KLK10: variants seen among roughly 807,000 people sequenced by gnomAD.
KLK10 encodes the protein kallikrein-10.
In KLK10, 27 loss-of-function variants were observed where a neutral mutation model predicts 25.7. That is an observed-to-expected ratio of 1.05 (90% CI 0.77 to 1.45). KLK10 has a LOEUF of 1.45. Among genes scored for constraint, KLK10 ranks in the 40% most tolerant of loss-of-function variants. The pLI is 0.00. For missense variants in KLK10, 386 were observed against 370.0 expected (o/e 1.04, Z -0.35); for synonymous variants, 173 against 160.1 (o/e 1.08, Z -0.61).
Position 51,015,920 on chromosome 19 carries a change from C to A in KLK10, c.506G>T (p.Cys169Phe). The A allele has an allele frequency of 6.3e-7, 1 of 1,581,830 alleles. No individual in the cohort carries two copies. The highest frequency in any genetic ancestry group is 8.6e-7 in the Non-Finnish European group (1 of 1,166,354). ...CGTGGTGCCCCAGCCAGCAACCTGGCACTGGTCTCCGGGCTGAGCACAGCG... is the reference window on the plus strand; with the variant it reads ...CGTGGTGCCCCAGCCAGCAACCTGGAACTGGTCTCCGGGCTGAGCACAGCG... ...PYRCAQPGDQ[C>F]QVAGWGTTAA... Residue 169 changes from cysteine (C) to phenylalanine (F), a missense_variant, in exon 4 of 6, where the codon TGC (cysteine) becomes TTC (phenylalanine). Coordinates refer to ENST00000358789, the MANE Select transcript of KLK10 (RefSeq NM_145888.3).
At chr19:51,015,008 T>G in intron 5 of KLK10, 56 bp from the exon 6 acceptor site, 2 of 1,536,426 alleles carry the variant, frequency 1.3e-6, no homozygotes, top group African/African-American at 1.4e-5. Flanking sequence ...GAGCTGTCAC[T>G]TTGGGATCTG....
At position 51,014,801 on chromosome 19, in the gene KLK10, C is replaced by G. The variant is rs777408324; in HGVS notation, c.830G>C (p.Ter277SerextTer50). 5 of 1,575,996 alleles carry G rather than the reference C, an allele frequency of 3.2e-6. No individual in the cohort carries two copies. In the South Asian group the frequency reaches 5.7e-5, roughly 18 times the overall value. ...SWINKVIRSN[*>S] is the part of the protein sequence containing the mutation. ...ATCAGCTGGAGCGTAGCATCTGGATCAGTTGGAGCGTATGACTTTATTGAT... is the reference window on the plus strand; with the variant it reads ...ATCAGCTGGAGCGTAGCATCTGGATGAGTTGGAGCGTATGACTTTATTGAT... Residue 277 changes from the stop codon to serine, a stop_lost, in exon 6 of 6, where the codon TGA (stop) becomes TCA (serine). Coordinates refer to ENST00000358789, the MANE Select transcript of KLK10 (RefSeq NM_145888.3).
Position 51,015,411 on chromosome 19 carries a change from C to A in KLK10, c.678+6G>T. The A allele has an allele frequency of 1.2e-6, 2 of 1,613,322 alleles. No individual in the cohort carries two copies. Among genetic ancestry groups the A allele is most frequent in the African/African-American group, 1.3e-5 (1 of 74,954 alleles). ...GAGTCAGAGACTCTCCCTGTTCAGACCCTACCTGGCAAGGGTCCTGGCCCC... is the reference window on the plus strand; with the variant it reads ...GAGTCAGAGACTCTCCCTGTTCAGAACCTACCTGGCAAGGGTCCTGGCCCC... On this transcript the variant is annotated splice_donor_region_variant and intron_variant, in intron 5 of 5. Transcript: ENST00000358789.
At chr19:51,014,989 C>T in intron 5 of KLK10, 37 bp from the exon 6 acceptor site, 3 of 1,594,048 alleles carry the variant, frequency 1.9e-6, no homozygotes, top group Non-Finnish European at 2.6e-6. Context: ...AATAAATGTG[C>T]CAACGTGAGA....
chr19:51,018,922 C>T, intron 2 of KLK10, 121 bp downstream of exon 2: 1 of 757,750 alleles, frequency 1.3e-6, no homozygotes, highest in South Asian at 1.7e-5. Flanking sequence ...CTCCGGAGCG[C>T]TGGGTGGGTG....
chr19:51,014,644 A>T lies in KLK10; in HGVS notation c.*156T>A. On this transcript the variant is annotated 3_prime_UTR_variant, in exon 6 of 6. Transcript: ENST00000358789. ...AGGTGGGGGAATGAGGTGAGAGGGG[A>T]GATGTTTAGAGGTGTGGAGGGCGGC... 1 of 621,858 alleles carries T rather than the reference A, an allele frequency of 1.6e-6. No individual in the cohort carries two copies. The highest frequency in any genetic ancestry group is 2.8e-6 in the Non-Finnish European group (1 of 356,330). The allele number at this position is 621,858 out of a possible 1,614,324, so 38.5% of individuals were successfully genotyped here. A position where few individuals can be genotyped will look rare whatever the true frequency, so the allele number is the denominator to read the frequency against.
intron 5 of KLK10, among the ~76,000 whole-genome samples, chr19:51,015,181 T>C (rs947922686): frequency 6.6e-6 from 1 of 151,398 alleles, no homozygotes; most frequent in Non-Finnish European, 1.5e-5. Flanking sequence ...GGGGTTGGGA[T>C]TGTAGTTCAT....
At chr19:51,019,798 C>T (rs1366386812), upstream of KLK10, 1 of 152,272 alleles carries the variant, frequency 6.6e-6, no homozygotes, top group Admixed American at 6.6e-5. This position sits in a 1 kb window ranked among gnomAD's most constrained non-coding sequence, Gnocchi z 4.2. Context: ...GGCTCCCTCC[C>T]TTTCCCTCTG....
rs759893312 is a variant in KLK10, at chr19:51,014,768, ACATCTGGATCAGCTGGAGCGTAG to A, written c.*9_*31del. ...GGGCATCTGGATCAGCAGGAGCATA[ACATCTGGATCAGCTGGAGCGTAG>A]CATCTGGATCAGTTGGAGCGTATGA... On this transcript the variant is annotated 3_prime_UTR_variant, in exon 6 of 6. Coordinates refer to ENST00000358789, the MANE Select transcript of KLK10 (RefSeq NM_145888.3). 41 of 1,604,230 alleles carry A rather than the reference ACATCTGGATCAGCTGGAGCGTAG, an allele frequency of 2.6e-5. No homozygotes were observed. Among genetic ancestry groups the A allele is most frequent in the Non-Finnish European group, 3.1e-5 (36 of 1,173,426 alleles).
chr19:51,015,672 C>T (rs2091316690), intron 4 of KLK10, 122 bp from the exon 5 acceptor site: 1 of 1,260,480 alleles, frequency 7.9e-7, no homozygotes, highest in South Asian at 1.4e-5. Context: ...ACTCAAGAAT[C>T]CTGGCCCCAG....
Position 51,015,571 on chromosome 19 carries a change from T to C in KLK10, c.545-21A>G, listed in dbSNP as rs752268152. The C allele has an allele frequency of 1.9e-6, 3 of 1,611,314 alleles. No individual in the cohort carries two copies. In the East Asian group the frequency reaches 6.7e-5, roughly 36 times the overall value. On this transcript the variant is annotated intron_variant, in intron 4 of 5. Transcript: ENST00000358789. The stretch of plus-strand genomic sequence containing the variant: ...CTTCACTGAAGGGAGAATATGCCAG[T>C]AATCCCTGGGTCCAGCCCCCAATCC...
In KLK10 at chr19:51,015,892, G is replaced by A. The variant is rs763673282; in HGVS notation, c.534C>T (p.Ala178=). 4.5e-6 allele frequency: 7 copies of A among 1,555,304 alleles called. No homozygotes were observed. Among genetic ancestry groups the A allele is most frequent in the East Asian group, 4.6e-5 (2 of 43,622 alleles). ...QCQVAGWGTT[A]ARRVKYNKGL... The stretch of plus-strand genomic sequence containing the variant: ...AGCCCCAGCTCTTGCCTCTCCGGGC[G>A]GCCGTGGTGCCCCAGCCAGCAACCT... Residue 178 remains alanine, a synonymous_variant, in exon 4 of 6, where the codon GCC becomes GCT. Coordinates refer to ENST00000358789, the MANE Select transcript of KLK10 (RefSeq NM_145888.3).
At position 51,016,381 on chromosome 19, in the gene KLK10, A is replaced by G. The variant is rs1230560619; in HGVS notation, c.270-225T>C. Among the ~76,000 whole-genome samples the G allele has an allele frequency of 3.3e-5, 5 of 151,848 alleles. No individual in the cohort carries two copies. The East Asian group carries it at 9.7e-4, about 30-fold the overall frequency. ...CTGGACACCTAGGTAAGCCTTCCAC[A>G]TTTTCTTTTCTCTTTTTCTTTTCTT... On this transcript the variant is annotated intron_variant, in intron 3 of 5. Transcript: ENST00000358789.
Position 51,012,822 on chromosome 19 carries a change from A to C in KLK10, c.*1978T>G, listed in dbSNP as rs551923889. 1 of 152,186 alleles carries C rather than the reference A, an allele frequency of 6.6e-6. No individual in the cohort carries two copies. The highest frequency in any genetic ancestry group is 2.1e-4 in the South Asian group (1 of 4,818). The allele number at this position is 152,186 out of a possible 1,614,324, so 9.4% of individuals were successfully genotyped here. On this transcript the variant is annotated 3_prime_UTR_variant, in exon 6 of 6. Transcript: ENST00000358789. ...AGAGCATCGGGACTGGATGACCAAA[A>C]GTGGACTCCTATAGCCTGGGCAATT...
upstream of KLK10, chr19:51,019,812 A>T (rs890385777): frequency 2.7e-5 from 4 of 150,310 alleles, no homozygotes; most frequent in African/African-American, 9.8e-5. This position sits in a 1 kb window ranked among gnomAD's most constrained non-coding sequence, Gnocchi z 4.2. Context: ...CCCTCTGTCT[A>T]ATTGTACCGT....
In KLK10 at chr19:51,014,953, C is replaced by T; in HGVS notation, c.679-1G>A. On this transcript the variant is annotated splice_acceptor_variant, in intron 5 of 5. Coordinates refer to ENST00000358789, the MANE Select transcript of KLK10 (RefSeq NM_145888.3). LOFTEE classifies it high-confidence loss of function. Reference sequence around the variant, plus strand: ...AGACCAGGGGGCCTCCAGAGTCACTCTGGGGGTGGCAGGAAGGAGAGATCA... The same window carrying T: ...AGACCAGGGGGCCTCCAGAGTCACTTTGGGGGTGGCAGGAAGGAGAGATCA... 1 of 1,612,450 alleles carries T rather than the reference C, an allele frequency of 6.2e-7. No homozygotes were observed. The highest frequency in any genetic ancestry group is 1.3e-5 in the African/African-American group (1 of 74,948).
At chr19:51,015,822 G>T in intron 4 of KLK10, 60 bp downstream of exon 4, 2 of 1,425,496 alleles carry the variant, frequency 1.4e-6, no homozygotes, top group Non-Finnish European at 9.3e-7. Context: ...CTCAGACCCA[G>T]GGGTTCAGGC....
rs1555787214 is a variant in KLK10 at position 51,019,029 on chromosome 19, G to GC, written c.88+13dup. On this transcript the variant is annotated intron_variant, in intron 2 of 5. Transcript: ENST00000358789. The surrounding 1 kb of genome is among the most constrained non-coding windows in gnomAD (Gnocchi z 4.2). ...CCACCGGCGCCTCTCCCCGCCCCCTGCCCCCGACCTTACCCCAGAGTTGCG... is the reference window on the plus strand; with the variant it reads ...CCACCGGCGCCTCTCCCCGCCCCCTGCCCCCCGACCTTACCCCAGAGTTGCG... 1.9e-6 allele frequency: 3 copies of GC among 1,578,976 alleles called. No homozygotes were observed. Among genetic ancestry groups the GC allele is most frequent in the Non-Finnish European group, 2.6e-6 (3 of 1,164,878 alleles).
chr19:51,017,184 G>A lies in KLK10; in HGVS notation c.195C>T (p.Asn65=), dbSNP rs1217168447. The A allele has an allele frequency of 1.2e-6, 2 of 1,612,148 alleles. No homozygotes were observed. The highest frequency in any genetic ancestry group is 1.7e-6 in the Non-Finnish European group (2 of 1,179,664). Residue 65 remains asparagine, a synonymous_variant, in exon 3 of 6, where the codon AAC becomes AAT. Transcript: ENST00000358789. ...GSQPWQVSLF[N]GLSFHCAGVL... is the part of the protein sequence containing the mutation. ...CACCCGCGCAGTGGAACGAGAGGCCGTTGAAGAGCGAGACCTGCCAGGGCT... is the reference window on the plus strand; with the variant it reads ...CACCCGCGCAGTGGAACGAGAGGCCATTGAAGAGCGAGACCTGCCAGGGCT...
Sources: allele counts gnomAD v4.1 joint callset (sites outside exome capture counted in the v4.1 genomes callset), GRCh38; gene constraint gnomAD v4.1.1; non-coding constraint Gnocchi (gnomAD v3.1); transcripts MANE v1.5; gene names NCBI Gene and HGNC (gene_info 2026-07-23, HGNC 2026-07-21).